The following FADS3 variants were observed in gnomAD, a reference collection of about 807,000 sequenced individuals.
FADS3 encodes cytochrome b5-related protein.
In FADS3, 30 loss-of-function variants were observed where a neutral mutation model predicts 60.4. The ratio of observed to expected loss-of-function variants is 0.50; its 90% confidence interval spans 0.37 to 0.67. The LOEUF is 0.67. Ranked by LOEUF, FADS3 falls within the 30% of genes least tolerant of loss-of-function variation. The pLI, the probability that FADS3 is intolerant of heterozygous loss-of-function variation, is 0.00. For synonymous variants in FADS3, 234 were observed against 249.3 expected (o/e 0.94, Z 0.58); for missense variants, 432 against 598.3 (o/e 0.72, Z 2.90).
At position 61,891,481 on chromosome 11, in the gene FADS3, C is replaced by A. The variant is rs1453198153; in HGVS notation, c.-100G>T. On this transcript the variant is annotated 5_prime_UTR_variant, in exon 1 of 12. Coordinates refer to ENST00000278829, the MANE Select transcript of FADS3 (RefSeq NM_021727.5). The stretch of plus-strand genomic sequence containing the variant: ...CTCCCGGGCGCCGCCTCCGCCGCCG[C>A]CCGCTGCTCCGGCCCCGCCCTGCCG... 3.6e-6 allele frequency: 3 copies of A among 827,784 alleles called. No individual in the cohort carries two copies. The highest frequency in any genetic ancestry group is 3.4e-5 in the East Asian group (1 of 29,000). 51.3% of individuals were successfully genotyped at this position (827,784 alleles called of 1,614,324 possible). A position where few individuals can be genotyped will look rare whatever the true frequency, so the allele number is the denominator to read the frequency against.
Position 61,891,238 on chromosome 11 carries a change from G to C in FADS3, c.144C>G (p.Ile48Met). ...WLVIERRVYD[I>M]SRWAQRHPGG... The stretch of plus-strand genomic sequence containing the variant: ...CTGGGTGCCGCTGTGCCCAGCGGCT[G>C]ATGTCGTAGACGCGGCGCTCGATGA... Residue 48 changes from isoleucine (I) to methionine (M), a missense_variant, in exon 1 of 12, where the codon ATC becomes ATG. Ile to Met is a conservative substitution (Grantham distance 10). Coordinates refer to ENST00000278829, the MANE Select transcript of FADS3 (RefSeq NM_021727.5). 2 of 1,549,532 alleles carry C rather than the reference G, an allele frequency of 1.3e-6. No homozygotes were observed. Among genetic ancestry groups the C allele is most frequent in the Non-Finnish European group, 8.7e-7 (1 of 1,148,988 alleles).
At chr11:61,881,207 G>C (rs544222182) in intron 1 of FADS3, 2 of 152,318 alleles carry the variant, frequency 1.3e-5, no homozygotes, top group South Asian at 2.1e-4. Flanking sequence ...TCGCGATTCT[G>C]TGTAATAGCT....
chr11:61,877,648 C>A lies in FADS3; in HGVS notation c.809-61G>T. The stretch of plus-strand genomic sequence containing the variant: ...GCTGGGCTGCCAAGGTGAGTGGGCG[C>A]CAGAGTGAGGGGCTCTGTTACTCCA... On this transcript the variant is annotated intron_variant, in intron 6 of 11. Coordinates refer to ENST00000278829, the MANE Select transcript of FADS3 (RefSeq NM_021727.5). This position sits in a 1 kb window ranked among gnomAD's most constrained non-coding sequence, Gnocchi z 4.7. 1 of 1,487,010 alleles carries A rather than the reference C, an allele frequency of 6.7e-7. No individual in the cohort carries two copies. The highest frequency in any genetic ancestry group is 1.8e-5 in the Admixed American group (1 of 55,542). 92.1% of individuals were successfully genotyped at this position (1,487,010 alleles called of 1,614,324 possible).
At position 61,876,325 on chromosome 11, in the gene FADS3, C is replaced by G; in HGVS notation, c.1080+34G>C. 1 of 1,605,092 alleles carries G rather than the reference C, an allele frequency of 6.2e-7. No individual in the cohort carries two copies. Among genetic ancestry groups the G allele is most frequent in the Non-Finnish European group, 8.5e-7 (1 of 1,174,576 alleles). On this transcript the variant is annotated intron_variant, in intron 9 of 11. Transcript: ENST00000278829. This position sits in a 1 kb window ranked among gnomAD's most constrained non-coding sequence, Gnocchi z 5.7. ...CTGGCTCCTAGCTGGGACCCCCCACCCCACCCAGGATGGGCCCCACCCCTG... is the reference window on the plus strand; with the variant it reads ...CTGGCTCCTAGCTGGGACCCCCCACGCCACCCAGGATGGGCCCCACCCCTG...
intron 1 of FADS3, among the ~76,000 whole-genome samples, chr11:61,884,310 C>T (rs779708763): frequency 3.3e-5 from 5 of 151,878 alleles, no homozygotes; most frequent in Admixed American, 6.6e-5. Context: ...GCTTACTGGG[C>T]GGGTGAGGGG....
chr11:61,884,886 A>G (rs573554429), intron 1 of FADS3, among the ~76,000 whole-genome samples: 1 of 152,332 alleles, frequency 6.6e-6, no homozygotes, highest in Admixed American at 6.5e-5. Flanking sequence ...AGGTAGCGAC[A>G]GGCTCTGTTC....
intron 1 of FADS3, among the ~76,000 whole-genome samples, chr11:61,890,625 G>A (rs1335286712): frequency 6.6e-6 from 1 of 152,148 alleles, no homozygotes; most frequent in African/African-American, 2.4e-5. Context: ...GTGCTTCCAG[G>A]AGAGGCCCAC....
intron 1 of FADS3, among the ~76,000 whole-genome samples, chr11:61,884,760 C>T (rs1173594459): frequency 1.3e-5 from 2 of 152,188 alleles, no homozygotes; most frequent in African/African-American, 4.8e-5. Flanking sequence ...TCCCCCCAAC[C>T]CCCACACGCA....
chr11:61,876,256 C>A lies in FADS3; in HGVS notation c.1081-66G>T. 1 of 1,573,166 alleles carries A rather than the reference C, an allele frequency of 6.4e-7. No individual in the cohort carries two copies. The highest frequency in any genetic ancestry group is 8.6e-7 in the Non-Finnish European group (1 of 1,156,754). On this transcript the variant is annotated intron_variant, in intron 9 of 11. Transcript: ENST00000278829. The surrounding 1 kb of genome is among the most constrained non-coding windows in gnomAD (Gnocchi z 5.7). ...AGATCCCTGACCCCACGGCACCATC[C>A]CCCACCTGGCAGCCCCGTCAGGGCC...
chr11:61,875,376 T>A (rs1937828951), intron 11 of FADS3, among the ~76,000 whole-genome samples: 1 of 7,122 alleles, frequency 1.4e-4, no homozygotes. Flanking sequence ...CCAGCTAATT[T>A]TTGTTTTTTT....
chr11:61,879,285 G>A, intron 3 of FADS3, 27 bp downstream of exon 3: 1 of 1,547,468 alleles, frequency 6.5e-7, no homozygotes, highest in Non-Finnish European at 8.7e-7. Context: ...GGCAGTTAAG[G>A]TGGCTGCAAC....
chr11:61,891,255 G>T lies in FADS3; in HGVS notation c.127C>A (p.Arg43Ser). The change falls in exon 1 of 12, where the codon CGC becomes AGC. Residue 43 changes from arginine to serine, a missense_variant. Arg to Ser is a moderately radical substitution (Grantham distance 110). Coordinates refer to ENST00000278829, the MANE Select transcript of FADS3 (RefSeq NM_021727.5). ...QPGDKWLVIE[R>S]RVYDISRWAQ... ...CAGCGGCTGATGTCGTAGACGCGGC[G>T]CTCGATGACCAGCCACTTGTCGCCG... The T allele has an allele frequency of 1.9e-6, 3 of 1,543,552 alleles. No homozygotes were observed. The highest frequency in any genetic ancestry group is 8.7e-7 in the Non-Finnish European group (1 of 1,147,288).
rs76599700 is a variant in FADS3 at position 61,877,235 on chromosome 11, C to T, written c.886-272G>A. The T allele has an allele frequency of 0.027, 15,083 of 558,306 alleles. 1,805 individuals are homozygous for T. The highest frequency in any genetic ancestry group is 0.25 in the African/African-American group (12,952 of 51,392). 34.6% of individuals were successfully genotyped at this position (558,306 alleles called of 1,614,324 possible). A position where few individuals can be genotyped will look rare whatever the true frequency, so the allele number is the denominator to read the frequency against. ...CAGGGACACAGATGCCTGGCAGAGT[C>T]AGCCCAGCAACTCCTCCTGGGAAGA... On this transcript the variant is annotated intron_variant, in intron 7 of 11. Coordinates refer to ENST00000278829, the MANE Select transcript of FADS3 (RefSeq NM_021727.5). The surrounding 1 kb of genome is among the most constrained non-coding windows in gnomAD (Gnocchi z 4.7).
chr11:61,879,498 G>C lies in FADS3; in HGVS notation c.336C>G (p.Val112=). 1 of 1,578,664 alleles carries C rather than the reference G, an allele frequency of 6.3e-7. No homozygotes were observed. Among genetic ancestry groups the C allele is most frequent in the Non-Finnish European group, 8.6e-7 (1 of 1,165,232 alleles). The change falls in exon 3 of 12, where the codon GTC becomes GTG. Residue 112 remains valine, a synonymous_variant. Transcript: ENST00000278829. ...SQDGPLNAQL[V]EDFRALHQAA... is the part of the protein sequence containing the mutation. ...CCTGGTGCAGGGCTCGGAAGTCCTC[G>C]ACCAGCTGCGCCTGCCATAGCAGAG...
intron 1 of FADS3, among the ~76,000 whole-genome samples, chr11:61,883,409 T>C (rs1938202032): frequency 6.6e-6 from 1 of 152,180 alleles, no homozygotes; most frequent in Admixed American, 6.5e-5. Context: ...TGAGCCAGCG[T>C]GATGGTGAGT....
intron 1 of FADS3, among the ~76,000 whole-genome samples, chr11:61,883,610 G>A (rs1049351213): frequency 5.9e-5 from 9 of 152,144 alleles, no homozygotes; most frequent in African/African-American, 1.4e-4. Flanking sequence ...CACACCCGGC[G>A]CAACGTGCAA....
At chr11:61,875,338 C>T (rs1317567984) in intron 11 of FADS3, among the ~76,000 whole-genome samples, 1 of 151,498 alleles carries the variant, frequency 6.6e-6, no homozygotes, top group Non-Finnish European at 1.5e-5. Context: ...TCCCAAGTAG[C>T]TGGGATTATG....
Position 61,878,649 on chromosome 11 carries a change from G to A in FADS3, c.625-15C>T. The A allele has an allele frequency of 6.2e-7, 1 of 1,613,894 alleles. No homozygotes were observed. The highest frequency in any genetic ancestry group is 2.2e-5 in the East Asian group (1 of 44,888). ...GCGGAGAAGCCCTGTGGAGGAGGAG[G>A]GGGCTCTCAGGGCAGGCTGTGCCCC... On this transcript the variant is annotated splice_polypyrimidine_tract_variant and intron_variant, in intron 4 of 11. Coordinates refer to ENST00000278829, the MANE Select transcript of FADS3 (RefSeq NM_021727.5).
At chr11:61,889,366 T>C (rs1191431048) in intron 1 of FADS3, among the ~76,000 whole-genome samples, 1 of 150,570 alleles carries the variant, frequency 6.6e-6, no homozygotes, top group African/African-American at 2.4e-5. Flanking sequence ...GCTTTCTGTA[T>C]CCCAGCCGGG....
Sources: gnomAD v4.1 joint callset for allele counts (sites outside exome capture counted in the v4.1 genomes callset) on GRCh38, gnomAD v4.1.1 for gene constraint, Gnocchi (gnomAD v3.1) non-coding constraint, MANE v1.5 for transcripts, NCBI Gene and HGNC (gene_info 2026-07-23, HGNC 2026-07-21) for gene names.